YARS1: variants seen among roughly 807,000 people sequenced by gnomAD.
YARS1 encodes the protein tyrosyl-tRNA synthetase 1, also known as tyrosine--tRNA ligase, cytoplasmic.
YARS1 carries 36 observed loss-of-function variants against 62.2 expected under a neutral mutation model. The observed-to-expected ratio is 0.58, with a 90% CI of 0.44 to 0.76. YARS1 has a LOEUF of 0.76. YARS1 is among the 30% of genes least tolerant of loss of function. The pLI is 0.00. For synonymous variants in YARS1, 234 were observed against 244.9 expected, an observed-to-expected ratio of 0.96 and a Z score of 0.42; for missense variants, 524 against 639.8, an observed-to-expected ratio of 0.82 and a Z score of 1.95.
At chr1:32,800,591 CTT>C (rs796969983) in intron 4 of YARS1, among the ~76,000 whole-genome samples, 1 of 146,776 alleles carries the variant, frequency 6.8e-6, no homozygotes, top group Non-Finnish European at 1.5e-5. Context: ...TTGTACTTTT[CTT>C]TTTTTTTTTG....
At chr1:32,782,281 T>A (rs1189422760) in intron 9 of YARS1, 123 bp downstream of exon 9, 1 of 1,528,796 alleles carries the variant, frequency 6.5e-7, no homozygotes, top group African/African-American at 1.4e-5. Flanking sequence ...CAGTAGGACA[T>A]GACATTCCTG....
chr1:32,784,739 TACAC>T (rs200855197), intron 8 of YARS1, among the ~76,000 whole-genome samples: 1 of 152,258 alleles, frequency 6.6e-6, no homozygotes, highest in African/African-American at 2.4e-5. Context: ...TATACACACA[TACAC>T]ACATATGTTA....
chr1:32,781,548 G>T, intron 9 of YARS1: 4 of 162,656 alleles, frequency 2.5e-5, no homozygotes, highest in East Asian at 1.8e-4. Context: ...GCCAGACTCT[G>T]TCTCTTTTAG....
Position 32,810,740 on chromosome 1 carries a change from G to A in YARS1, c.231C>T (p.His77=), listed in dbSNP as rs748789799. Residue 77 remains histidine (H), a synonymous_variant, in exon 3 of 13, where the codon CAC becomes CAT. Coordinates refer to ENST00000373477, the MANE Select transcript of YARS1 (RefSeq NM_003680.4). ...GGGCTTTCATGTTATCCAGGTATGC[G>A]TGGAGGTCCGCAAACAGAATTGTTA... ...CEVTILFADL[H]AYLDNMKAPW... 16 of 1,613,978 alleles carry A rather than the reference G, an allele frequency of 9.9e-6. No homozygotes were observed. The East Asian group carries it at 2.0e-4, about 20-fold the overall frequency.
chr1:32,789,241 T>G lies in YARS1; in HGVS notation c.684+1921A>C, dbSNP rs543868521. On this transcript the variant is annotated intron_variant, in intron 6 of 12. Transcript: ENST00000373477. Reference sequence around the variant, plus strand: ...TTACAAATTATATATAATGCTACATTGGACATCTTTGCAGTCTTTTCCCTT... The same window carrying G: ...TTACAAATTATATATAATGCTACATGGGACATCTTTGCAGTCTTTTCCCTT... Among the ~76,000 whole-genome samples, 5 of 152,364 alleles carry G rather than the reference T, an allele frequency of 3.3e-5. No individual in the cohort carries two copies. In the South Asian group the frequency reaches 1.0e-3, roughly 32 times the overall value.
chr1:32,790,445 C>T (rs1288921167), intron 6 of YARS1, among the ~76,000 whole-genome samples: 1 of 127,784 alleles, frequency 7.8e-6, no homozygotes, highest in East Asian at 2.6e-4. Context: ...ACCTGGGAGG[C>T]GGAGCTTGCA....
intron 8 of YARS1, among the ~76,000 whole-genome samples, chr1:32,784,665 G>C (rs1297516329): frequency 2.0e-5 from 3 of 151,318 alleles, no homozygotes; most frequent in Admixed American, 6.6e-5. Context: ...TATTATTTCT[G>C]GTATATATAT....
At chr1:32,800,030 G>A (rs1638237940) in intron 4 of YARS1, among the ~76,000 whole-genome samples, 1 of 152,082 alleles carries the variant, frequency 6.6e-6, no homozygotes, top group African/African-American at 2.4e-5. Flanking sequence ...ACCCAGGCTG[G>A]AGGGCAGTGG....
intron 12 of YARS1, among the ~76,000 whole-genome samples, chr1:32,777,117 C>T (rs566057168): frequency 6.6e-6 from 1 of 151,796 alleles, no homozygotes; most frequent in South Asian, 2.1e-4. Flanking sequence ...GCAACCTCCA[C>T]CTCCCAGGTT....
At chr1:32,814,131 C>A (rs1318163079) in intron 1 of YARS1, among the ~76,000 whole-genome samples, 2 of 152,166 alleles carry the variant, frequency 1.3e-5, no homozygotes, top group South Asian at 4.1e-4. Flanking sequence ...TCAAACTCAA[C>A]GTGTTCAAAA....
chr1:32,791,010 C>T lies in YARS1; in HGVS notation c.684+152G>A, dbSNP rs979048327. 8 of 762,050 alleles carry T rather than the reference C, an allele frequency of 1.0e-5. No individual in the cohort carries two copies. In the African/African-American group the frequency reaches 1.4e-4, roughly 13 times the overall value. The allele number at this position is 762,050 out of a possible 1,614,324, so 47.2% of individuals were successfully genotyped here. A position where few individuals can be genotyped will look rare whatever the true frequency, so the allele number is the denominator to read the frequency against. On this transcript the variant is annotated intron_variant, in intron 6 of 12. Transcript: ENST00000373477. ...CAGGACTGCTCTGGATCCTTTGATA[C>T]TCAAGAACCACTAAACTAATTGAAT...
chr1:32,791,132 T>A (rs781211000), intron 6 of YARS1, 30 bp downstream of exon 6: 8 of 1,588,688 alleles, frequency 5.0e-6, no homozygotes, highest in Non-Finnish European at 6.9e-6. Context: ...GCTGAAGATT[T>A]CTAAATTCAA....
chr1:32,812,485 G>C (rs1046267404), intron 1 of YARS1, among the ~76,000 whole-genome samples: 4 of 152,200 alleles, frequency 2.6e-5, no homozygotes, highest in Admixed American at 2.0e-4. Context: ...TACCCCAAAA[G>C]ATATTTCTTT....
At chr1:32,796,172 G>A (rs1179275612) in intron 5 of YARS1, among the ~76,000 whole-genome samples, 1 of 151,904 alleles carries the variant, frequency 6.6e-6, no homozygotes, top group African/African-American at 2.4e-5. Flanking sequence ...GCAGGCACCT[G>A]TAATCCCAGC....
chr1:32,802,696 C>CT (rs1386341587), intron 4 of YARS1, among the ~76,000 whole-genome samples: 2 of 152,166 alleles, frequency 1.3e-5, no homozygotes, highest in African/African-American at 4.8e-5. Context: ...AAGAATCTTT[C>CT]TTTTTGAGGA....
At chr1:32,812,300 A>G (rs1439115916) in intron 1 of YARS1, among the ~76,000 whole-genome samples, 1 of 152,164 alleles carries the variant, frequency 6.6e-6, no homozygotes, top group Non-Finnish European at 1.5e-5. Flanking sequence ...GGCGTGAGCC[A>G]CCCCACCTGG....
At chr1:32,781,558 G>GAA (rs763232787) in intron 9 of YARS1, 78 of 135,962 alleles carry the variant, frequency 5.7e-4, no homozygotes, top group South Asian at 2.5e-3. Flanking sequence ...GTCTCTTTTA[G>GAA]AAAAAAAAAA....
chr1:32,808,209 C>G (rs1253508516), intron 3 of YARS1, among the ~76,000 whole-genome samples: 2 of 151,180 alleles, frequency 1.3e-5, no homozygotes, highest in African/African-American at 2.4e-5. Context: ...CAGCAACCCC[C>G]ACTCCCCCAC....
chr1:32,779,569 C>T, intron 11 of YARS1, 46 bp from the exon 12 acceptor site: 1 of 1,613,892 alleles, frequency 6.2e-7, no homozygotes, highest in East Asian at 2.2e-5. Context: ...TGGATGGGTT[C>T]CAGTGACTGT....
Sources: gnomAD v4.1 joint callset for allele counts (sites outside exome capture counted in the v4.1 genomes callset) on GRCh38, gnomAD v4.1.1 for gene constraint, MANE v1.5 for transcripts, NCBI Gene and HGNC (gene_info 2026-07-23, HGNC 2026-07-21) for gene names.